CAMSAP2: variants seen among roughly 807,000 people sequenced by gnomAD.
CAMSAP2 encodes the protein calmodulin regulated spectrin associated protein family member 2.
In CAMSAP2, 26 loss-of-function variants were observed where a neutral mutation model predicts 146.1. The ratio of observed to expected loss-of-function variants is 0.18; its 90% CI spans 0.13 to 0.25. The LOEUF (loss-of-function observed/expected upper bound fraction) is 0.25. Among genes scored for constraint, CAMSAP2 ranks in the 10% least tolerant of loss-of-function variants. The pLI is 1.00. For missense variants in CAMSAP2, 1,381 were observed against 1,759.3 expected, an observed-to-expected ratio of 0.78 and a Z score of 3.85; for synonymous variants, 499 against 596.6, an observed-to-expected ratio of 0.84 and a Z score of 2.38.
At chr1:200,854,519 T>C (rs564898595) in intron 13 of CAMSAP2, among the ~76,000 whole-genome samples, 2 of 152,294 alleles carry the variant, frequency 1.3e-5, no homozygotes, top group East Asian at 1.9e-4. Flanking sequence ...TTTTTTGTTA[T>C]TGTTTTTTTC....
Position 200,848,544 on chromosome 1 carries a change from T to A in CAMSAP2, c.1775T>A (p.Val592Glu), listed in dbSNP as rs780469369. 3.1e-6 allele frequency: 5 copies of A among 1,614,090 alleles called. No individual in the cohort carries two copies. In the Admixed American group the frequency reaches 8.3e-5, roughly 27 times the overall value. The change falls in exon 11 of 17, where the codon GTA (valine) becomes GAA (glutamate). Residue 592 changes from valine to glutamate, a missense_variant. Val to Glu is a moderately radical substitution (Grantham distance 121, BLOSUM62 -2). Around this residue, in one of 4 missense-constraint regions of CAMSAP2, gnomAD observed 447 missense variants for 462.2 expected, o/e 0.97. Transcript: ENST00000358823. ...IKLNQSSPDN[V>E]TDTKGALSPI... ...TTAAATCAATCTAGTCCTGATAATGTAACTGATACGAAAGGTGCCTTGAGT... is the reference window on the plus strand; with the variant it reads ...TTAAATCAATCTAGTCCTGATAATGAAACTGATACGAAAGGTGCCTTGAGT...
chr1:200,852,019 TC>T (rs1667632086), intron 11 of CAMSAP2, among the ~76,000 whole-genome samples: 2 of 152,326 alleles, frequency 1.3e-5, no homozygotes, highest in African/African-American at 4.8e-5. Context: ...CCCCATCTTT[TC>T]TTCAATGGAA....
intron 4 of CAMSAP2, among the ~76,000 whole-genome samples, chr1:200,816,687 T>C (rs1213845905): frequency 2.1e-5 from 3 of 141,818 alleles, no homozygotes; most frequent in South Asian, 2.2e-4. Context: ...TGTGTATATG[T>C]ACATGCACAC....
intron 4 of CAMSAP2, among the ~76,000 whole-genome samples, chr1:200,816,452 G>A (rs181945567): frequency 6.7e-6 from 1 of 149,428 alleles, no homozygotes; most frequent in African/African-American, 2.5e-5. Context: ...AAATTAGCCA[G>A]GCGTGGTGGC....
At chr1:200,828,809 A>C (rs1666969541) in intron 4 of CAMSAP2, among the ~76,000 whole-genome samples, 1 of 152,122 alleles carries the variant, frequency 6.6e-6, no homozygotes, top group South Asian at 2.1e-4. Context: ...AAGGGTAAAC[A>C]TCCTGTTGCT....
chr1:200,764,718 T>C (rs542990764), intron 2 of CAMSAP2, among the ~76,000 whole-genome samples: 37 of 152,356 alleles, frequency 2.4e-4, no homozygotes, highest in Middle Eastern at 3.4e-3. Context: ...TGAAGACCTC[T>C]CTAAATGGTT....
chr1:200,847,705 A>G lies in CAMSAP2; in HGVS notation c.1258A>G (p.Lys420Glu), dbSNP rs769143788. ...CTTCATAGGGACATGGCCCAAAGAG[A>G]AAAGGTAAACAAAGAGAATTACTTT... Reference protein sequence around the residue: ...DGFIGTWPKEKRSSVHGVSFD... With the variant: ...DGFIGTWPKEERSSVHGVSFD... The change falls in exon 10 of 17, where the codon AAA becomes GAA. Residue 420 changes from lysine (K) to glutamate (E), a missense_variant. Lys to Glu is a moderately conservative substitution (Grantham distance 56). Coordinates refer to ENST00000358823, the MANE Select transcript of CAMSAP2 (RefSeq NM_203459.4). 4 of 1,609,170 alleles carry G rather than the reference A, an allele frequency of 2.5e-6. No individual in the cohort carries two copies. Among genetic ancestry groups the G allele is most frequent in the East Asian group, 2.2e-5 (1 of 44,744 alleles).
At chr1:200,755,915 A>G (rs1301721627) in intron 1 of CAMSAP2, among the ~76,000 whole-genome samples, 1 of 152,142 alleles carries the variant, frequency 6.6e-6, no homozygotes, top group Non-Finnish European at 1.5e-5. Context: ...TGAGATCTGA[A>G]TGGAAAGAGC....
intron 1 of CAMSAP2, among the ~76,000 whole-genome samples, chr1:200,740,635 A>G (rs1020981338): frequency 1.3e-5 from 2 of 152,204 alleles, no homozygotes; most frequent in Non-Finnish European, 2.9e-5. Flanking sequence ...GGCTTCATAA[A>G]TTAAAAGAAA....
At chr1:200,844,424 T>A (rs2102241737) in intron 7 of CAMSAP2, among the ~76,000 whole-genome samples, 1 of 152,008 alleles carries the variant, frequency 6.6e-6, no homozygotes. Context: ...GGCGGGTGCC[T>A]GTAGTCCCAG....
At chr1:200,814,147 C>CGGGGGGGAG (rs1316609882) in intron 3 of CAMSAP2, among the ~76,000 whole-genome samples, 26 of 3,142 alleles carry the variant, frequency 8.3e-3, no homozygotes, top group African/African-American at 0.012. Flanking sequence ...GAGGGGTGGG[C>CGGGGGGGAG]GGGTGGGGAA....
chr1:200,852,422 G>C, intron 11 of CAMSAP2, 119 bp from the exon 12 acceptor site: 1 of 1,056,518 alleles, frequency 9.5e-7, no homozygotes, highest in Non-Finnish European at 1.4e-6. Flanking sequence ...CATTCAGAAG[G>C]GTTGTAATAG....
At chr1:200,811,864 C>T (rs1666340680) in intron 3 of CAMSAP2, among the ~76,000 whole-genome samples, 1 of 152,192 alleles carries the variant, frequency 6.6e-6, no homozygotes, top group African/African-American at 2.4e-5. Context: ...CCACTGTTCC[C>T]CTTTCTCACT....
At chr1:200,797,120 G>T (rs528150760) in intron 2 of CAMSAP2, among the ~76,000 whole-genome samples, 1 of 151,908 alleles carries the variant, frequency 6.6e-6, no homozygotes. Flanking sequence ...GAATAATGCC[G>T]CAATAAACAT....
At chr1:200,829,858 T>A (rs1182984908) in intron 4 of CAMSAP2, among the ~76,000 whole-genome samples, 2 of 151,714 alleles carry the variant, frequency 1.3e-5, no homozygotes, top group African/African-American at 4.8e-5. Flanking sequence ...GACCAGGAGG[T>A]CGAGGCTGCA....
chr1:200,760,930 G>T lies in CAMSAP2; in HGVS notation c.231G>T (p.Ser77=), dbSNP rs370560460. The change falls in exon 2 of 17, where the codon TCG becomes TCT. Residue 77 remains serine, a synonymous_variant. Coordinates refer to ENST00000358823, the MANE Select transcript of CAMSAP2 (RefSeq NM_203459.4). ...CACCTGTTGTTAATTTGCTTCTATC[G>T]GCTGAACTATACTGTCGTGCTGGGA... is the stretch of plus-strand genomic sequence containing the variant. The part of the protein sequence containing the change: ...IKPPVVNLLL[S]AELYCRAGSL... The T allele has an allele frequency of 6.2e-7, 1 of 1,614,012 alleles. No homozygotes were observed. Among genetic ancestry groups the T allele is most frequent in the Admixed American group, 1.7e-5 (1 of 59,994 alleles).
intron 6 of CAMSAP2, among the ~76,000 whole-genome samples, chr1:200,841,010 C>G (rs1035620645): frequency 2.0e-5 from 3 of 151,540 alleles, no homozygotes; most frequent in African/African-American, 7.3e-5. Context: ...TTTTGAGGAC[C>G]CTTAATCCTT....
intron 2 of CAMSAP2, among the ~76,000 whole-genome samples, chr1:200,789,035 T>C (rs1394564591): frequency 1.3e-5 from 2 of 152,132 alleles, no homozygotes. Flanking sequence ...TGTTTTTTAA[T>C]TGGGTTGTTT....
At chr1:200,817,224 G>GTA (rs1187931399) in intron 4 of CAMSAP2, among the ~76,000 whole-genome samples, 2 of 93,690 alleles carry the variant, frequency 2.1e-5, no homozygotes, top group East Asian at 4.9e-4. Context: ...ACACATATGT[G>GTA]TGTGTATATA....
Sources: allele counts gnomAD v4.1 joint callset (sites outside exome capture counted in the v4.1 genomes callset), GRCh38; gene constraint gnomAD v4.1.1; regional missense constraint gnomAD v4.1.1; transcripts MANE v1.5; gene names NCBI Gene and HGNC (gene_info 2026-07-23, HGNC 2026-07-21).